The following SCN10A variants were observed in gnomAD, a reference collection of about 807,000 sequenced individuals.
SCN10A encodes the protein sodium channel protein type 10 subunit alpha.
SCN10A carries 162 observed loss-of-function variants against 170.7 expected under a neutral mutation model. The ratio of observed to expected loss-of-function variants is 0.95; its 90% CI spans 0.84 to 1.08. The LOEUF (loss-of-function observed/expected upper bound fraction) is 1.08, where lower values mean the gene tolerates loss of function less well. SCN10A is among the 50% of genes least tolerant of loss of function. SCN10A has a pLI of 0.00. For synonymous variants in SCN10A, 985 were observed against 904.6 expected, an observed-to-expected ratio of 1.09 and a Z score of -1.59; for missense variants, 2,527 against 2,436.9, an observed-to-expected ratio of 1.04 and a Z score of -0.78.
chr3:38,789,905 T>G (rs1182259970), intron 3 of SCN10A, among the ~76,000 whole-genome samples: 2 of 152,142 alleles, frequency 1.3e-5, no homozygotes, highest in African/African-American at 4.8e-5. Context: ...CAGTGCTTCC[T>G]AAGGAAAAAT....
At position 38,728,604 on chromosome 3, in the gene SCN10A, C is replaced by T. The variant is rs747984594; in HGVS notation, c.2578G>A (p.Val860Ile). 1 of 1,611,910 alleles carries T rather than the reference C, an allele frequency of 6.2e-7. No individual in the cohort carries two copies. Among genetic ancestry groups the T allele is most frequent in the Non-Finnish European group, 8.5e-7 (1 of 1,178,244 alleles). ...ATGAGGCATATGGATTTTTGGCCAA[C>T]TTCCATGCAGGCCCACATGTTCTCA... Reference protein sequence around the residue: ...WIENMWACMEVGQKSICLILF... With the variant: ...WIENMWACMEIGQKSICLILF... Residue 860 changes from valine (V) to isoleucine (I), a missense_variant, in exon 16 of 28, where the codon GTT (valine) becomes ATT (isoleucine). Coordinates refer to ENST00000449082, the MANE Select transcript of SCN10A (RefSeq NM_006514.4).
chr3:38,771,256 G>T, intron 5 of SCN10A, 23 bp downstream of exon 5: 4 of 1,612,422 alleles, frequency 2.5e-6, no homozygotes, highest in Non-Finnish European at 3.4e-6. Context: ...CACACATGCA[G>T]ATCTGCATAG....
chr3:38,722,148 G>A (rs1237359786), intron 20 of SCN10A, 110 bp downstream of exon 20: 2 of 1,067,872 alleles, frequency 1.9e-6, no homozygotes, highest in Non-Finnish European at 2.7e-6. Context: ...CAAGGTTGGG[G>A]ACTTTCAGCT....
chr3:38,759,175 G>A lies in SCN10A; in HGVS notation c.950+1506C>T, dbSNP rs141283962. ...AGGTCGACCTGGGCAACATGGAGCC[G>A]TCAGCCTCTCAGGCACTGGGGGTGT... is the stretch of plus-strand genomic sequence containing the variant. On this transcript the variant is annotated intron_variant, in intron 8 of 27. Coordinates refer to ENST00000449082, the MANE Select transcript of SCN10A (RefSeq NM_006514.4). 9.8e-4 allele frequency among the ~76,000 whole-genome samples: 149 copies of A among 152,248 alleles called. 1 individual carries two copies. Among genetic ancestry groups the A allele is most frequent in the African/African-American group, 3.4e-3 (142 of 41,550 alleles).
chr3:38,733,963 G>A (rs1303173859), intron 15 of SCN10A, among the ~76,000 whole-genome samples: 3 of 149,794 alleles, frequency 2.0e-5, no homozygotes, highest in African/African-American at 4.9e-5. Context: ...CAGGTGATCC[G>A]CCTGCCTGCG....
intron 25 of SCN10A, 68 bp from the exon 26 acceptor site, chr3:38,707,451 C>T: frequency 6.6e-7 from 1 of 1,518,528 alleles, no homozygotes; most frequent in Non-Finnish European, 9.1e-7. Context: ...TCAGAACAGG[C>T]AGGAGAGAAA....
intron 1 of SCN10A, among the ~76,000 whole-genome samples, chr3:38,795,648 G>C (rs1489090698): frequency 6.6e-6 from 1 of 151,712 alleles, no homozygotes; most frequent in Admixed American, 6.6e-5. Flanking sequence ...CACTCTCTTG[G>C]TTTTCCTAAC....
intron 15 of SCN10A, 65 bp downstream of exon 15, chr3:38,739,450 A>G (rs1446392144): frequency 1.3e-6 from 2 of 1,483,402 alleles, no homozygotes; most frequent in Admixed American, 3.5e-5. Context: ...TGCAGTCCCC[A>G]GAGCACAGTG....
chr3:38,713,504 C>T (rs994089966), intron 22 of SCN10A, among the ~76,000 whole-genome samples: 6 of 151,822 alleles, frequency 4.0e-5, no homozygotes, highest in African/African-American at 1.5e-4. Context: ...TTATGGGTGA[C>T]AAGGGAAGAT....
intron 25 of SCN10A, 106 bp downstream of exon 25, chr3:38,709,372 C>T: frequency 1.8e-6 from 2 of 1,139,802 alleles, no homozygotes; most frequent in Non-Finnish European, 2.5e-6. Context: ...AAGTGATGGG[C>T]TGTGAGTAGT....
At chr3:38,759,082 C>A (rs2063839845) in intron 8 of SCN10A, among the ~76,000 whole-genome samples, 1 of 152,152 alleles carries the variant, frequency 6.6e-6, no homozygotes, top group Non-Finnish European at 1.5e-5. Flanking sequence ...TGTTTCCAGT[C>A]CTCAGCTCCA....
chr3:38,736,211 G>A (rs1018457836), intron 15 of SCN10A, among the ~76,000 whole-genome samples: 1 of 152,216 alleles, frequency 6.6e-6, no homozygotes, highest in South Asian at 2.1e-4. Context: ...TGGGCAAGAC[G>A]GAGACTGGTG....
At position 38,709,637 on chromosome 3, in the gene SCN10A, T is replaced by C. The variant is rs747802842; in HGVS notation, c.4144-22A>G. On this transcript the variant is annotated intron_variant, in intron 24 of 27. Transcript: ENST00000449082. ...TGACCTGTGACCAGACAAGGGAGAG[T>C]GGGAAGGAGGGTGGGTGTCTTAGTT... 6.4e-6 allele frequency: 10 copies of C among 1,559,528 alleles called. No homozygotes were observed. The South Asian group carries it at 1.1e-4, about 17-fold the overall frequency.
chr3:38,768,716 T>C (rs2063963384), intron 5 of SCN10A, among the ~76,000 whole-genome samples: 2 of 152,198 alleles, frequency 1.3e-5, no homozygotes, highest in African/African-American at 2.4e-5. Flanking sequence ...GATAACCTGA[T>C]GTCTATTTGC....
intron 26 of SCN10A, among the ~76,000 whole-genome samples, chr3:38,702,675 G>C (rs1428877835): frequency 2.0e-5 from 3 of 152,216 alleles, no homozygotes; most frequent in South Asian, 4.1e-4. Context: ...ACTTTGCTGA[G>C]AGTAAAGTCA....
At chr3:38,775,849 T>C (rs1339110645) in intron 4 of SCN10A, among the ~76,000 whole-genome samples, 1 of 152,158 alleles carries the variant, frequency 6.6e-6, no homozygotes, top group Non-Finnish European at 1.5e-5. Context: ...GTAATTGATT[T>C]GGAAACTGGT....
chr3:38,728,546 A>G lies in SCN10A; in HGVS notation c.2636T>C (p.Leu879Pro), dbSNP rs748804697. ...LFLTVMVLGN[L>P]VVLNLFIALL... ...CCAGCAGGGTTCACCACTCACCACC[A>G]GGTTCCCTAGCACCATCACCGTCAA... Residue 879 changes from leucine (L) to proline (P), a missense_variant, in exon 16 of 28, where the codon CTG becomes CCG. Transcript: ENST00000449082. 2 of 1,579,132 alleles carry G rather than the reference A, an allele frequency of 1.3e-6. No homozygotes were observed. The highest frequency in any genetic ancestry group is 1.2e-5 in the South Asian group (1 of 85,116).
intron 4 of SCN10A, among the ~76,000 whole-genome samples, chr3:38,783,614 C>T (rs1335723869): frequency 6.6e-6 from 1 of 151,958 alleles, no homozygotes; most frequent in African/African-American, 2.4e-5. Flanking sequence ...AGTTTATGGA[C>T]ATTTGAGTGG....
At chr3:38,739,481 G>T (rs1338856408) in intron 15 of SCN10A, 34 bp downstream of exon 15, 3 of 1,597,548 alleles carry the variant, frequency 1.9e-6, no homozygotes, top group African/African-American at 2.7e-5. Flanking sequence ...ATCTGGGTGG[G>T]AGTTTCCCCA....
Sources: allele counts gnomAD v4.1 joint callset (sites outside exome capture counted in the v4.1 genomes callset), GRCh38; gene constraint gnomAD v4.1.1; transcripts MANE v1.5; gene names NCBI Gene and HGNC (gene_info 2026-07-23, HGNC 2026-07-21).